TNKS: variants seen among roughly 807,000 people sequenced by gnomAD.
TNKS encodes poly [ADP-ribose] polymerase tankyrase-1.
In TNKS, 72 loss-of-function variants were observed where a neutral mutation model predicts 135.8. The observed-to-expected ratio is 0.53, with a 90% CI of 0.44 to 0.64. TNKS has a LOEUF of 0.64. Among genes scored for constraint, TNKS ranks in the 30% least tolerant of loss-of-function variants. The probability of loss-of-function intolerance (pLI) is 0.00; values close to 1 mark genes in which losing one functional copy is unlikely to be tolerated. For missense variants in TNKS, 1,769 were observed against 1,674.0 expected, an observed-to-expected ratio of 1.06 and a Z score of -0.99; for synonymous variants, 849 against 649.3, an observed-to-expected ratio of 1.31 and a Z score of -4.68.
At chr8:9,659,497 A>G (rs1801590636) in intron 3 of TNKS, among the ~76,000 whole-genome samples, 1 of 152,242 alleles carries the variant, frequency 6.6e-6, no homozygotes, top group African/African-American at 2.4e-5. Context: ...TGGGTACCTA[A>G]CAAAATGAAG....
At chr8:9,601,348 A>G (rs912036130) in intron 2 of TNKS, among the ~76,000 whole-genome samples, 2 of 152,236 alleles carry the variant, frequency 1.3e-5, no homozygotes, top group Admixed American at 6.5e-5. Context: ...GTATTATTGC[A>G]GTAGCTACTC....
At chr8:9,761,353 C>G (rs570630908) in intron 20 of TNKS, among the ~76,000 whole-genome samples, 163 bp from the exon 21 acceptor site, 45 of 152,178 alleles carry the variant, frequency 3.0e-4, no homozygotes, top group Middle Eastern at 3.4e-3. Flanking sequence ...GCTGATGAGA[C>G]TATCAAGACA....
chr8:9,647,919 A>G (rs1028429592), intron 3 of TNKS, among the ~76,000 whole-genome samples: 15 of 152,238 alleles, frequency 9.9e-5, no homozygotes, highest in Non-Finnish European at 2.1e-4. Context: ...TGTTGCTCCT[A>G]GAGTACAAAC....
intron 3 of TNKS, among the ~76,000 whole-genome samples, chr8:9,674,290 C>T (rs1302708333): frequency 6.6e-6 from 1 of 152,094 alleles, no homozygotes; most frequent in Non-Finnish European, 1.5e-5. Flanking sequence ...TACCCAAGGT[C>T]ACACAAGTAA....
chr8:9,617,030 C>A (rs1443255300), intron 3 of TNKS, among the ~76,000 whole-genome samples: 1 of 152,180 alleles, frequency 6.6e-6, no homozygotes, highest in Non-Finnish European at 1.5e-5. Context: ...TAAATGTCCT[C>A]CCTCTGACGT....
At chr8:9,701,502 A>G (rs985382823) in intron 5 of TNKS, among the ~76,000 whole-genome samples, 1 of 152,208 alleles carries the variant, frequency 6.6e-6, no homozygotes, top group African/African-American at 2.4e-5. Context: ...CTGTGGAGGA[A>G]GTTTTCAAAC....
Position 9,779,535 on chromosome 8 carries a change from C to A in TNKS, c.*2799C>A, listed in dbSNP as rs891365686. On this transcript the variant is annotated 3_prime_UTR_variant, in exon 27 of 27. Coordinates refer to ENST00000310430, the MANE Select transcript of TNKS (RefSeq NM_003747.3). ...TGCTGTTGGCCTGCTGGATACTTGA[C>A]TCAGGCATAAATTAAGTGCCCTGGT... 3 of 152,214 alleles carry A rather than the reference C, an allele frequency of 2.0e-5. No individual in the cohort carries two copies. Among genetic ancestry groups the A allele is most frequent in the Admixed American group, 2.0e-4 (3 of 15,284 alleles). The allele number at this position is 152,214 out of a possible 1,614,324, so 9.4% of individuals were successfully genotyped here.
intron 18 of TNKS, among the ~76,000 whole-genome samples, chr8:9,750,891 A>G (rs1285355937): frequency 6.6e-6 from 1 of 152,202 alleles, no homozygotes; most frequent in Admixed American, 6.5e-5. Context: ...CCTGCATAGG[A>G]TCTCACCACT....
chr8:9,716,854 C>T (rs917682811), intron 11 of TNKS, among the ~76,000 whole-genome samples: 1 of 151,454 alleles, frequency 6.6e-6, no homozygotes, highest in Non-Finnish European at 1.5e-5. Flanking sequence ...CTTTATGTGT[C>T]CTTGGCTTAG....
chr8:9,773,997 G>C (rs1271550474), intron 26 of TNKS, among the ~76,000 whole-genome samples: 1 of 152,140 alleles, frequency 6.6e-6, no homozygotes, highest in East Asian at 1.9e-4. Context: ...ATGTGTTTTT[G>C]ATTGAGGATG....
chr8:9,562,929 T>C (rs1797394753), intron 1 of TNKS, among the ~76,000 whole-genome samples: 1 of 152,054 alleles, frequency 6.6e-6, no homozygotes, highest in African/African-American at 2.4e-5. Context: ...TTTTCTCAGG[T>C]ATGTGGTATG....
intron 20 of TNKS, among the ~76,000 whole-genome samples, chr8:9,759,277 C>G (rs546967862): frequency 6.6e-6 from 1 of 152,264 alleles, no homozygotes; most frequent in African/African-American, 2.4e-5. Flanking sequence ...GCGTGAGCGC[C>G]CAAGATGGAG....
intron 3 of TNKS, among the ~76,000 whole-genome samples, chr8:9,659,188 T>A (rs1801574314): frequency 6.6e-6 from 1 of 151,968 alleles, no homozygotes; most frequent in Non-Finnish European, 1.5e-5. Flanking sequence ...AGACAGAAAG[T>A]TAACAAAGAT....
At chr8:9,754,691 A>G (rs10092117) in intron 20 of TNKS, among the ~76,000 whole-genome samples, 2,911 of 152,290 alleles carry the variant, frequency 0.019, 93 homozygotes, top group African/African-American at 0.064. Context: ...CTTTACCTGT[A>G]AAACCTAATG....
intron 3 of TNKS, among the ~76,000 whole-genome samples, chr8:9,622,596 C>T (rs187222147): frequency 8.1e-4 from 124 of 152,216 alleles, no homozygotes; most frequent in African/African-American, 2.8e-3. Context: ...AGACTTTTTA[C>T]CTGTTTGTTC....
chr8:9,616,603 C>T (rs1047171393), intron 3 of TNKS, among the ~76,000 whole-genome samples: 3 of 151,978 alleles, frequency 2.0e-5, no homozygotes, highest in Admixed American at 6.6e-5. Context: ...AATACTGAGG[C>T]GAAGGGAAAA....
chr8:9,759,265 A>T (rs879183135), intron 20 of TNKS, among the ~76,000 whole-genome samples: 5 of 152,198 alleles, frequency 3.3e-5, no homozygotes, highest in Admixed American at 1.3e-4. Context: ...GAGCAGTCCA[A>T]AGCGTGAGCG....
At position 9,556,033 on chromosome 8, in the gene TNKS, C is replaced by T. The variant is rs1022113680; in HGVS notation, c.94C>T (p.Pro32Ser). ...GGCTTCAGCGCCGCCGCCGCCACCT[C>T]CTCCCCCACTCAGCCCTGGCCTGGC... is the stretch of plus-strand genomic sequence containing the variant. ...PGASAPPPPP[P>S]PPLSPGLAPG... The change falls in exon 1 of 27, where the codon CCT becomes TCT. Residue 32 changes from proline to serine, a missense_variant. By Grantham distance (74) the Pro-to-Ser change is moderately conservative. Coordinates refer to ENST00000310430, the MANE Select transcript of TNKS (RefSeq NM_003747.3). 1.1e-5 allele frequency: 18 copies of T among 1,612,072 alleles called. No homozygotes were observed. The highest frequency in any genetic ancestry group is 1.4e-5 in the Non-Finnish European group (17 of 1,179,620).
At chr8:9,763,579 T>C (rs563182611) in intron 22 of TNKS, among the ~76,000 whole-genome samples, 77 of 152,368 alleles carry the variant, frequency 5.1e-4, no homozygotes, top group South Asian at 1.5e-3. Context: ...GAAAAACTCT[T>C]GCCTCATAGA....
Sources: allele counts gnomAD v4.1 joint callset (sites outside exome capture counted in the v4.1 genomes callset), GRCh38; gene constraint gnomAD v4.1.1; transcripts MANE v1.5; gene names NCBI Gene and HGNC (gene_info 2026-07-23, HGNC 2026-07-21).